Variants in KDM4C observed in about 807,000 individuals in gnomAD.
The protein encoded by KDM4C is lysine demethylase 4C, also known as lysine-specific demethylase 4C.
Under a neutral mutation model 129.3 loss-of-function variants are expected in KDM4C, and 81 were observed. The ratio of observed to expected loss-of-function variants is 0.63; its 90% CI spans 0.52 to 0.75. KDM4C has a LOEUF of 0.75. Among genes scored for constraint, KDM4C ranks in the 30% least tolerant of loss-of-function variants. The pLI is 0.00. For synonymous variants in KDM4C, 573 were observed against 456.1 expected, an observed-to-expected ratio of 1.26 and a Z score of -3.26; for missense variants, 1,457 against 1,304.0, an observed-to-expected ratio of 1.12 and a Z score of -1.81.
At chr9:7,154,735 G>A (rs1038623834) in intron 19 of KDM4C, among the ~76,000 whole-genome samples, 6 of 152,162 alleles carry the variant, frequency 3.9e-5, no homozygotes, top group South Asian at 2.1e-4. Flanking sequence ...ACTCTTCACC[G>A]TGATTATGAT....
At chr9:7,068,735 C>T (rs376904289) in intron 17 of KDM4C, among the ~76,000 whole-genome samples, 3 of 116,530 alleles carry the variant, frequency 2.6e-5, no homozygotes, top group Middle Eastern at 8.6e-3. Flanking sequence ...TTGCTCTTGT[C>T]GCCCAGGCTG....
chr9:6,766,630 A>AATCTGG (rs1209959166), intron 1 of KDM4C, among the ~76,000 whole-genome samples: 1 of 152,004 alleles, frequency 6.6e-6, no homozygotes, highest in East Asian at 1.9e-4. Flanking sequence ...GAAGAACTAG[A>AATCTGG]ATCTGGATCT....
chr9:6,737,717 A>G (rs1273913974), intron 1 of KDM4C, among the ~76,000 whole-genome samples: 3 of 151,904 alleles, frequency 2.0e-5, no homozygotes, highest in Non-Finnish European at 4.4e-5. Context: ...GATAATTTTC[A>G]AAAGAAGACA....
chr9:6,939,976 A>ACCTTCCTT (rs1186438155), intron 8 of KDM4C, among the ~76,000 whole-genome samples: 10,704 of 93,174 alleles, frequency 0.11, 1,047 homozygotes, highest in African/African-American at 0.16. Flanking sequence ...CTACCTACCT[A>ACCTTCCTT]CCTTCCTTCC....
intron 1 of KDM4C, among the ~76,000 whole-genome samples, chr9:6,736,144 A>G (rs1330848926): frequency 6.6e-6 from 1 of 152,200 alleles, no homozygotes; most frequent in Non-Finnish European, 1.5e-5. Flanking sequence ...GCATGAAAGC[A>G]TTCGCGTGGT....
chr9:7,089,891 G>A (rs552452348), intron 17 of KDM4C, among the ~76,000 whole-genome samples: 2 of 152,246 alleles, frequency 1.3e-5, no homozygotes, highest in Admixed American at 6.5e-5. Context: ...GTTCTCATGA[G>A]GGATTTTGAA....
rs550131506 is a variant in KDM4C at position 7,071,827 on chromosome 9, G to A, written c.2424+22627G>A. Among the ~76,000 whole-genome samples the A allele has an allele frequency of 3.3e-5, 5 of 151,928 alleles. No individual in the cohort carries two copies. In the East Asian group the frequency reaches 5.8e-4, roughly 18 times the overall value. Reference sequence around the variant, plus strand: ...TTTGAAAAACACTTTTTGAGTCTACGGCCATACCACCCTGAACACACCTGA... The same window carrying A: ...TTTGAAAAACACTTTTTGAGTCTACAGCCATACCACCCTGAACACACCTGA... On this transcript the variant is annotated intron_variant, in intron 17 of 21. Transcript: ENST00000381309.
chr9:7,011,628 C>G (rs1822709368), intron 12 of KDM4C, 70 bp from the exon 13 acceptor site: 10 of 1,369,656 alleles, frequency 7.3e-6, no homozygotes, highest in Non-Finnish European at 1.0e-5. Context: ...ATGTTTATTT[C>G]TTTTGTACTC....
chr9:7,022,972 C>A (rs1006513765), intron 15 of KDM4C, among the ~76,000 whole-genome samples: 1 of 152,212 alleles, frequency 6.6e-6, no homozygotes, highest in African/African-American at 2.4e-5. Flanking sequence ...TATGTTGAAT[C>A]ATCCTTGCAT....
intron 8 of KDM4C, among the ~76,000 whole-genome samples, chr9:6,903,882 C>T (rs997994927): frequency 6.6e-6 from 1 of 152,148 alleles, no homozygotes; most frequent in Non-Finnish European, 1.5e-5. Flanking sequence ...CGAAAATCTA[C>T]ACAATGTTAT....
intron 3 of KDM4C, among the ~76,000 whole-genome samples, chr9:6,807,646 C>T (rs1350108380): frequency 6.7e-6 from 1 of 149,864 alleles, no homozygotes; most frequent in African/African-American, 2.4e-5. Flanking sequence ...CTCTGCCTGG[C>T]AACCACCCCG....
chr9:6,763,048 G>C (rs1002060200), intron 1 of KDM4C, among the ~76,000 whole-genome samples: 2 of 151,934 alleles, frequency 1.3e-5, no homozygotes, highest in East Asian at 1.9e-4. Context: ...GGGGATGGAT[G>C]GGGGGTAGAG....
At chr9:7,109,827 C>G (rs1306692526) in intron 18 of KDM4C, among the ~76,000 whole-genome samples, 2 of 152,048 alleles carry the variant, frequency 1.3e-5, no homozygotes, top group Non-Finnish European at 2.9e-5. Flanking sequence ...TGGCTGTGTC[C>G]CCACCCAAAA....
chr9:7,038,016 G>A (rs1318117344), intron 15 of KDM4C, among the ~76,000 whole-genome samples: 1 of 151,996 alleles, frequency 6.6e-6, no homozygotes, highest in Non-Finnish European at 1.5e-5. Flanking sequence ...ATTTTGTTCT[G>A]TAAGGATGAA....
At chr9:7,018,464 C>G (rs1824079590) in intron 15 of KDM4C, among the ~76,000 whole-genome samples, 1 of 151,844 alleles carries the variant, frequency 6.6e-6, no homozygotes, top group African/African-American at 2.4e-5. Context: ...ATATCAAGCT[C>G]TTATTTATTA....
chr9:6,771,346 C>T (rs978463004), intron 1 of KDM4C, among the ~76,000 whole-genome samples: 1 of 151,958 alleles, frequency 6.6e-6, no homozygotes, highest in African/African-American at 2.4e-5. Flanking sequence ...GAGTCTTGCT[C>T]TGTCGCCCAG....
intron 8 of KDM4C, among the ~76,000 whole-genome samples, chr9:6,949,850 GGGGA>G (rs1352687166): frequency 2.2e-5 from 3 of 138,372 alleles, no homozygotes; most frequent in African/African-American, 2.9e-5. Flanking sequence ...GGGAGACCGT[GGGGA>G]GAGGGAGAGG....
intron 17 of KDM4C, among the ~76,000 whole-genome samples, chr9:7,100,909 C>G (rs1423222859): frequency 6.6e-6 from 1 of 152,050 alleles, no homozygotes; most frequent in Non-Finnish European, 1.5e-5. Flanking sequence ...TGCATTAGTT[C>G]TTATCTACTT....
chr9:7,061,616 G>T (rs1831680877), intron 17 of KDM4C, among the ~76,000 whole-genome samples: 1 of 152,202 alleles, frequency 6.6e-6, no homozygotes, highest in African/African-American at 2.4e-5. Context: ...TAAAAGCCTG[G>T]CTGTGGGCTC....
Sources: allele counts gnomAD v4.1 joint callset (sites outside exome capture counted in the v4.1 genomes callset), GRCh38; gene constraint gnomAD v4.1.1; transcripts MANE v1.5; gene names NCBI Gene and HGNC (gene_info 2026-07-23, HGNC 2026-07-21).